Variants in PRKCE observed in about 807,000 individuals in gnomAD.
PRKCE encodes protein kinase C epsilon type.
In PRKCE, 16 loss-of-function variants were observed where a neutral mutation model predicts 85.4. The ratio of observed to expected loss-of-function variants is 0.19; its 90% confidence interval spans 0.13 to 0.28. The LOEUF is 0.28. Among genes scored for constraint, PRKCE ranks in the 10% least tolerant of loss-of-function variants. The pLI, the probability that PRKCE is intolerant of heterozygous loss-of-function variation, is 1.00. For missense variants in PRKCE, 573 were observed against 975.2 expected, an observed-to-expected ratio of 0.59 and a Z score of 5.49; for synonymous variants, 388 against 371.5, an observed-to-expected ratio of 1.04 and a Z score of -0.51.
At chr2:45,871,536 G>T (rs1694087205) in intron 2 of PRKCE, among the ~76,000 whole-genome samples, 1 of 152,236 alleles carries the variant, frequency 6.6e-6, no homozygotes, top group South Asian at 2.1e-4. Flanking sequence ...ATCTTCAGAA[G>T]AGCTGTCTCT....
chr2:45,731,262 A>C (rs1482226573), intron 1 of PRKCE, among the ~76,000 whole-genome samples: 4 of 152,232 alleles, frequency 2.6e-5, no homozygotes, highest in African/African-American at 7.2e-5. Context: ...ATGACAACTC[A>C]GCCTCTTGGG....
intron 2 of PRKCE, among the ~76,000 whole-genome samples, chr2:45,847,737 C>T (rs1313608989): frequency 1.3e-5 from 2 of 152,238 alleles, no homozygotes; most frequent in Non-Finnish European, 2.9e-5. Flanking sequence ...CACTCCACCC[C>T]TGGTTCGATC....
chr2:45,830,320 T>A, intron 1 of PRKCE, among the ~76,000 whole-genome samples: 1 of 146,334 alleles, frequency 6.8e-6, no homozygotes, highest in East Asian at 2.0e-4. Flanking sequence ...GAGAGAGAAA[T>A]GAGAAAACAG....
chr2:45,881,364 G>A (rs924052331), intron 2 of PRKCE, among the ~76,000 whole-genome samples: 5 of 151,936 alleles, frequency 3.3e-5, no homozygotes, highest in Non-Finnish European at 7.4e-5. Context: ...CAATCCAGGT[G>A]GACACATCTT....
intron 1 of PRKCE, among the ~76,000 whole-genome samples, chr2:45,814,171 C>T (rs1024591465): frequency 1.3e-5 from 2 of 152,104 alleles, no homozygotes; most frequent in East Asian, 1.9e-4. Context: ...TTGCCATGAC[C>T]GGGACCAAAG....
At chr2:46,083,972 A>G (rs1183138620) in intron 10 of PRKCE, among the ~76,000 whole-genome samples, 1 of 152,186 alleles carries the variant, frequency 6.6e-6, no homozygotes, top group African/African-American at 2.4e-5. Flanking sequence ...GAGCTTTCAC[A>G]ATTACTAAGG....
chr2:45,834,028 G>A (rs1385338932), intron 1 of PRKCE, among the ~76,000 whole-genome samples: 1 of 152,206 alleles, frequency 6.6e-6, no homozygotes, highest in Non-Finnish European at 1.5e-5. Context: ...TATACATAGA[G>A]TTATTCGTTT....
At chr2:45,720,474 C>A (rs866778023) in intron 1 of PRKCE, among the ~76,000 whole-genome samples, 20 of 152,044 alleles carry the variant, frequency 1.3e-4, no homozygotes, top group Admixed American at 3.9e-4. Flanking sequence ...TCATAAAGTT[C>A]ATGTCTGAGA....
At chr2:45,702,032 T>C (rs1678684443) in intron 1 of PRKCE, among the ~76,000 whole-genome samples, 1 of 151,986 alleles carries the variant, frequency 6.6e-6, no homozygotes, top group Non-Finnish European at 1.5e-5. Context: ...CTACTCAAAA[T>C]ACAAAAATTA....
At chr2:45,696,373 A>G (rs1678151894) in intron 1 of PRKCE, among the ~76,000 whole-genome samples, 1 of 152,190 alleles carries the variant, frequency 6.6e-6, no homozygotes, top group South Asian at 2.1e-4. Flanking sequence ...TAAATAAATT[A>G]TATTGCCAGG....
Position 46,159,588 on chromosome 2 carries a change from C to T in PRKCE, c.1921-18C>T, listed in dbSNP as rs752794763. ...CAGGCCTTTGTCACTAATTCCGACTCTGTCCTCATCCCTGCAGTTCATGAC... is the reference window on the plus strand; with the variant it reads ...CAGGCCTTTGTCACTAATTCCGACTTTGTCCTCATCCCTGCAGTTCATGAC... On this transcript the variant is annotated intron_variant, in intron 13 of 14. Transcript: ENST00000306156. This position sits in a 1 kb window ranked among gnomAD's most constrained non-coding sequence, Gnocchi z 4.1. 3.2e-6 allele frequency: 5 copies of T among 1,577,598 alleles called. No individual in the cohort carries two copies. In the South Asian group the frequency reaches 3.4e-5, roughly 11 times the overall value.
intron 10 of PRKCE, among the ~76,000 whole-genome samples, chr2:46,012,492 A>G (rs1485248871): frequency 6.6e-6 from 1 of 152,168 alleles, no homozygotes; most frequent in Admixed American, 6.5e-5. Context: ...TGCCTGATCC[A>G]GCACAGGGTC....
At chr2:45,960,726 C>T (rs1701317717) in intron 2 of PRKCE, among the ~76,000 whole-genome samples, 1 of 152,170 alleles carries the variant, frequency 6.6e-6, no homozygotes, top group Non-Finnish European at 1.5e-5. Context: ...CCTATTATTT[C>T]TAACATCCCG....
intron 2 of PRKCE, among the ~76,000 whole-genome samples, chr2:45,896,785 G>C (rs888795822): frequency 1.3e-5 from 2 of 152,144 alleles, no homozygotes; most frequent in African/African-American, 4.8e-5. Flanking sequence ...TTGAAGCAAG[G>C]ACATATGAGA....
chr2:46,122,590 G>T lies in PRKCE; in HGVS notation c.1593-22503G>T, dbSNP rs570310589. ...AATATGTAAATAGTCCTCACTGGGC[G>T]AGGTTACATCCCTCTGACCTTACCC... On this transcript the variant is annotated intron_variant, in intron 11 of 14. Coordinates refer to ENST00000306156, the MANE Select transcript of PRKCE (RefSeq NM_005400.3). Among the ~76,000 whole-genome samples, 132 of 152,252 alleles carry T rather than the reference G, an allele frequency of 8.7e-4. 1 individual carries two copies. The highest frequency in any genetic ancestry group is 3.1e-3 in the African/African-American group (127 of 41,520).
intron 2 of PRKCE, among the ~76,000 whole-genome samples, chr2:45,885,505 A>G (rs1573746864): frequency 6.6e-6 from 1 of 152,330 alleles, no homozygotes; most frequent in East Asian, 1.9e-4. Context: ...GTATTTTGAT[A>G]CATGTCTTCC....
intron 11 of PRKCE, among the ~76,000 whole-genome samples, chr2:46,128,244 A>T (rs1267170500): frequency 6.6e-6 from 1 of 152,166 alleles, no homozygotes; most frequent in East Asian, 1.9e-4. Context: ...AAAAGAGTAG[A>T]TATTCGAATC....
intron 2 of PRKCE, among the ~76,000 whole-genome samples, chr2:45,921,330 G>A (rs538857178): frequency 5.1e-4 from 78 of 152,206 alleles, no homozygotes; most frequent in African/African-American, 1.8e-3. Flanking sequence ...AAGATGATAG[G>A]AAATATAAAT....
rs150642610 is a variant in PRKCE at position 45,658,129 on chromosome 2, G to A, written c.348+5681G>A. ...ACTAAGGGGGTAAGGAGGTAGGGAA[G>A]GGCTGGCAATTGTCCATACCTCCTT... On this transcript the variant is annotated intron_variant, in intron 1 of 14. Transcript: ENST00000306156. Among the ~76,000 whole-genome samples, 20 of 152,282 alleles carry A rather than the reference G, an allele frequency of 1.3e-4. No homozygotes were observed. In the East Asian group the frequency reaches 3.7e-3, roughly 28 times the overall value.
Sources: gnomAD v4.1 joint callset for allele counts (sites outside exome capture counted in the v4.1 genomes callset) on GRCh38, gnomAD v4.1.1 for gene constraint, Gnocchi (gnomAD v3.1) non-coding constraint, MANE v1.5 for transcripts, NCBI Gene and HGNC (gene_info 2026-07-23, HGNC 2026-07-21) for gene names.